GPLD1: variants seen among roughly 807,000 people sequenced by gnomAD.
GPLD1 encodes phosphatidylinositol-glycan-specific phospholipase D.
In GPLD1, 84 loss-of-function variants were observed where a neutral mutation model predicts 112.6. The ratio of observed to expected loss-of-function variants is 0.75; its 90% CI spans 0.63 to 0.89. The LOEUF is 0.89. Among genes scored for constraint, GPLD1 ranks in the 40% least tolerant of loss-of-function variants. The pLI is 0.00. For synonymous variants in GPLD1, 386 were observed against 403.8 expected (o/e 0.96, Z 0.53); for missense variants, 1,044 against 1,051.5 (o/e 0.99, Z 0.10).
At chr6:24,470,113 G>C (rs1176375789) in intron 7 of GPLD1, among the ~76,000 whole-genome samples, 2 of 151,118 alleles carry the variant, frequency 1.3e-5, no homozygotes, top group African/African-American at 4.9e-5. Context: ...CGTTAGGTTT[G>C]GAACCTGGAC....
Position 24,471,891 on chromosome 6 carries a change from C to T in GPLD1, c.545+691G>A, listed in dbSNP as rs150380277. Among the ~76,000 whole-genome samples the T allele has an allele frequency of 2.0e-3, 298 of 152,186 alleles. 5 individuals carry two copies. The highest frequency in any genetic ancestry group is 0.016 in the East Asian group (81 of 5,168). On this transcript the variant is annotated intron_variant, in intron 7 of 24. Coordinates refer to ENST00000230036, the MANE Select transcript of GPLD1 (RefSeq NM_001503.4). ...CTGTGCCACCACACCTAGCTAAGAA[C>T]GGATTTCTTAAATAAGACATCAGAA...
At chr6:24,464,848 G>C (rs973473358) in intron 10 of GPLD1, among the ~76,000 whole-genome samples, 6 of 152,144 alleles carry the variant, frequency 3.9e-5, no homozygotes, top group Non-Finnish European at 7.3e-5. Context: ...ATCTCAACCC[G>C]GTTCAGGTCA....
At chr6:24,480,863 C>T (rs369518392) in intron 2 of GPLD1, among the ~76,000 whole-genome samples, 4 of 152,192 alleles carry the variant, frequency 2.6e-5, no homozygotes, top group Non-Finnish European at 4.4e-5. Flanking sequence ...GCCTCCACCA[C>T]GGAGCCCTCG....
chr6:24,490,119 C>T (rs1288954886), upstream of GPLD1, among the ~76,000 whole-genome samples: 1 of 152,200 alleles, frequency 6.6e-6, no homozygotes, highest in Non-Finnish European at 1.5e-5. Context: ...CTCCTGGTCT[C>T]TCTACCTCTG....
At chr6:24,487,259 T>G (rs1764408091) in intron 1 of GPLD1, among the ~76,000 whole-genome samples, 1 of 110,954 alleles carries the variant, frequency 9.0e-6, no homozygotes, top group South Asian at 2.8e-4. Flanking sequence ...GACCTTCCAC[T>G]CAGGCCCCTT....
upstream of GPLD1, chr6:24,489,619 T>A (rs1248108379): frequency 6.5e-7 from 1 of 1,528,206 alleles, no homozygotes; most frequent in Non-Finnish European, 8.8e-7. Flanking sequence ...TCTAAGCAGG[T>A]CACTGACCGA....
intron 3 of GPLD1, among the ~76,000 whole-genome samples, chr6:24,477,451 G>A (rs1487813878): frequency 6.6e-6 from 1 of 152,024 alleles, no homozygotes; most frequent in African/African-American, 2.4e-5. Context: ...GGGTGCAGTA[G>A]TGCACGCCTA....
Position 24,473,664 on chromosome 6 carries a change from C to CA in GPLD1, c.444dup (p.Asp149Ter), listed in dbSNP as rs1466093119. ...GCCTCTGAATAGGAGCCGTGAAAAT[C>CA]AATCTAAGAAAGAAAGAGAACCATC... On this transcript the variant is annotated frameshift_variant, in exon 6 of 25. Transcript: ENST00000230036. LOFTEE classifies it high-confidence loss of function. 1 of 1,604,922 alleles carries CA rather than the reference C, an allele frequency of 6.2e-7. No individual in the cohort carries two copies. Among genetic ancestry groups the CA allele is most frequent in the African/African-American group, 1.3e-5 (1 of 74,704 alleles).
intron 21 of GPLD1, 65 bp from the exon 22 acceptor site, chr6:24,436,801 C>A: frequency 6.6e-7 from 1 of 1,520,214 alleles, no homozygotes; most frequent in Admixed American, 1.8e-5. Flanking sequence ...TTCCTTGTTC[C>A]GCTACTGGAT....
rs748561096 is a variant in GPLD1 at position 24,475,242 on chromosome 6, AG to A, written c.331-12del. ...CAGTTTCTCTGTGTCCTGCCAAACAAGCAAATTAGAGTCATGTGTGTTTGGG... is the reference window on the plus strand; with the variant it reads ...CAGTTTCTCTGTGTCCTGCCAAACAACAAATTAGAGTCATGTGTGTTTGGG... On this transcript the variant is annotated splice_polypyrimidine_tract_variant and intron_variant, in intron 4 of 24. Coordinates refer to ENST00000230036, the MANE Select transcript of GPLD1 (RefSeq NM_001503.4). 7.7e-7 allele frequency: 1 copy of A among 1,293,504 alleles called. No individual in the cohort carries two copies. The highest frequency in any genetic ancestry group is 1.2e-5 in the South Asian group (1 of 84,460). 80.1% of individuals were successfully genotyped at this position (1,293,504 alleles called of 1,614,324 possible).
intron 1 of GPLD1, among the ~76,000 whole-genome samples, chr6:24,494,663 G>A (rs1028002022): frequency 3.3e-5 from 5 of 152,164 alleles, no homozygotes; most frequent in Non-Finnish European, 7.4e-5. Flanking sequence ...AGTGACAAAT[G>A]AGCACCCGAA....
intron 7 of GPLD1, among the ~76,000 whole-genome samples, chr6:24,470,122 A>G (rs1763750860): frequency 6.7e-6 from 1 of 149,358 alleles, no homozygotes; most frequent in East Asian, 1.9e-4. Context: ...TGGAACCTGG[A>G]CGGTTTTTTT....
chr6:24,478,706 T>C (rs575198500), intron 3 of GPLD1, among the ~76,000 whole-genome samples: 2 of 151,968 alleles, frequency 1.3e-5, no homozygotes, highest in South Asian at 4.2e-4. Context: ...CACAGTGGGC[T>C]GGCTGTGCCC....
At position 24,433,383 on chromosome 6, in the gene GPLD1, A is replaced by G. The variant is rs1321214826; in HGVS notation, c.2365T>C (p.Tyr789His). The change falls in exon 23 of 25, where the codon TAT becomes CAT. Residue 789 changes from tyrosine to histidine, a missense_variant. Transcript: ENST00000230036. ...CTTACTTCAGGAGAAATCAATACAT[A>G]TTGGGCCTGAAGAAAAAAATTGAGG... ...ITPCPEEKAQ[Y>H]VLISPEASSR... 1.2e-6 allele frequency: 2 copies of G among 1,606,760 alleles called. No homozygotes were observed. The highest frequency in any genetic ancestry group is 2.2e-5 in the South Asian group (2 of 90,904).
chr6:24,441,336 C>T (rs1714254987), intron 20 of GPLD1, among the ~76,000 whole-genome samples: 1 of 151,604 alleles, frequency 6.6e-6, no homozygotes, highest in African/African-American at 2.4e-5. Flanking sequence ...TATCAAAAAT[C>T]TCAAATTTAG....
rs1763453724 is a variant in GPLD1, at chr6:24,462,011, G to C, written c.887+719C>G. On this transcript the variant is annotated intron_variant, in intron 11 of 24. Transcript: ENST00000230036. ...TTCTTAAAATACAAACCAGGCTTCT[G>C]GCCCTTAACATTGAGGGCTTCTCCC... Among the ~76,000 whole-genome samples the C allele has an allele frequency of 1.3e-5, 2 of 152,016 alleles. 1 individual carries two copies. Among genetic ancestry groups the C allele is most frequent in the South Asian group, 4.1e-4 (2 of 4,822 alleles).
Position 24,445,544 on chromosome 6 carries a change from A to C in GPLD1, c.2020+2T>G. On this transcript the variant is annotated splice_donor_variant, in intron 20 of 24. Coordinates refer to ENST00000230036, the MANE Select transcript of GPLD1 (RefSeq NM_001503.4). LOFTEE classifies it high-confidence loss of function. The stretch of plus-strand genomic sequence containing the variant: ...AGCACAGTTTCACAGTGTGTGACCT[A>C]CCGTACGTAGGGGCTCCAACCAGCA... 1 of 1,604,154 alleles carries C rather than the reference A, an allele frequency of 6.2e-7. No individual in the cohort carries two copies. Among genetic ancestry groups the C allele is most frequent in the Non-Finnish European group, 8.5e-7 (1 of 1,171,056 alleles).
rs1763476547 is a variant in GPLD1, at chr6:24,462,712, A to G, written c.887+18T>C. 3 of 1,573,640 alleles carry G rather than the reference A, an allele frequency of 1.9e-6. No individual in the cohort carries two copies. The highest frequency in any genetic ancestry group is 2.7e-5 in the African/African-American group (2 of 74,238). On this transcript the variant is annotated intron_variant, in intron 11 of 24. Transcript: ENST00000230036. ...GTGAGATGTACTTTTTCTATGAACA[A>G]TTTTGGAATCCACTTACCCCTGGGT...
At chr6:24,494,226 G>T (rs1764629499), upstream of GPLD1, among the ~76,000 whole-genome samples, 1 of 152,144 alleles carries the variant, frequency 6.6e-6, no homozygotes. Flanking sequence ...ACTGTAATGA[G>T]CATTTTACGT....
Sources: gnomAD v4.1 joint callset for allele counts (sites outside exome capture counted in the v4.1 genomes callset) on GRCh38, gnomAD v4.1.1 for gene constraint, MANE v1.5 for transcripts, NCBI Gene and HGNC (gene_info 2026-07-23, HGNC 2026-07-21) for gene names.